NEDD4: variants seen among roughly 807,000 people sequenced by gnomAD.
NEDD4 encodes NEDD4 E3 ubiquitin protein ligase, also known as E3 ubiquitin-protein ligase NEDD4.
Under a neutral mutation model 144.9 loss-of-function variants are expected in NEDD4, and 99 were observed. That is an observed-to-expected ratio of 0.68 (90% CI 0.58 to 0.81). The LOEUF (loss-of-function observed/expected upper bound fraction) is 0.81, where lower values mean the gene tolerates loss of function less well. NEDD4 is among the 30% of genes least tolerant of loss of function. NEDD4 has a pLI of 0.00. For synonymous variants in NEDD4, 318 were observed against 350.6 expected (o/e 0.91, Z 1.04); for missense variants, 985 against 1,065.9 (o/e 0.92, Z 1.06).
intron 5 of NEDD4, among the ~76,000 whole-genome samples, chr15:55,886,893 A>G (rs1311425896): frequency 1.3e-5 from 2 of 152,186 alleles, no homozygotes; most frequent in African/African-American, 4.8e-5. Flanking sequence ...TCCTGAATGA[A>G]TGAACAGTGG....
chr15:55,992,522 A>G (rs1223160576), intron 1 of NEDD4, among the ~76,000 whole-genome samples: 2 of 152,364 alleles, frequency 1.3e-5, no homozygotes, highest in East Asian at 3.9e-4. Context: ...TCTCATCTTG[A>G]TAAAAGGTAC....
intron 18 of NEDD4, 103 bp downstream of exon 18, chr15:55,846,866 G>T: frequency 1.5e-6 from 1 of 682,138 alleles, no homozygotes; most frequent in Non-Finnish European, 2.4e-6. Flanking sequence ...TTCACTCAAA[G>T]TTGTTACAAA....
chr15:55,951,487 C>G (rs2037237705), intron 3 of NEDD4, 24 bp downstream of exon 3: 4 of 1,481,302 alleles, frequency 2.7e-6, no homozygotes, highest in Non-Finnish European at 2.7e-6. Flanking sequence ...ACATTAAAAA[C>G]TTTTGAATAT....
intron 5 of NEDD4, among the ~76,000 whole-genome samples, chr15:55,874,293 G>A (rs1333798562): frequency 1.3e-5 from 2 of 152,044 alleles, no homozygotes; most frequent in African/African-American, 4.8e-5. Context: ...AGAAACTGGA[G>A]GGATGTCAAT....
chr15:55,916,977 A>G (rs1040566702), intron 5 of NEDD4: 126 of 1,387,106 alleles, frequency 9.1e-5, no homozygotes, highest in Non-Finnish European at 1.1e-4. Flanking sequence ...CTTTATCCTA[A>G]GTAAAACATT....
chr15:55,928,221 A>G (rs1415036102), intron 4 of NEDD4, among the ~76,000 whole-genome samples: 7 of 152,136 alleles, frequency 4.6e-5, no homozygotes, highest in Admixed American at 3.9e-4. Flanking sequence ...CGTGTTGGCC[A>G]GGCTGGTCTC....
chr15:55,852,893 G>A (rs2034050101), intron 12 of NEDD4, among the ~76,000 whole-genome samples: 1 of 151,754 alleles, frequency 6.6e-6, no homozygotes, highest in Non-Finnish European at 1.5e-5. Context: ...GGGATTACAG[G>A]CATGTGCTAA....
chr15:55,921,343 G>A (rs752535318), intron 5 of NEDD4, among the ~76,000 whole-genome samples: 8 of 149,348 alleles, frequency 5.4e-5, no homozygotes, highest in Non-Finnish European at 1.0e-4. Context: ...TTTTTTCGCC[G>A]AGACGGAGTC....
At chr15:55,869,491 C>T in intron 8 of NEDD4, 88 bp downstream of exon 8, 1 of 736,018 alleles carries the variant, frequency 1.4e-6, no homozygotes, top group Non-Finnish European at 2.2e-6. Flanking sequence ...CACATGTTAA[C>T]TTCATTCAAT....
chr15:55,955,527 T>A (rs2037321347), intron 2 of NEDD4, among the ~76,000 whole-genome samples: 4 of 152,080 alleles, frequency 2.6e-5, no homozygotes, highest in Admixed American at 2.0e-4. Context: ...ATTCTATGAA[T>A]TTGACTATTT....
intron 5 of NEDD4, among the ~76,000 whole-genome samples, chr15:55,907,292 AAGAC>A (rs1473031992): frequency 2.0e-5 from 3 of 152,084 alleles, no homozygotes; most frequent in African/African-American, 7.2e-5. Context: ...CATGGAGAAA[AAGAC>A]AGAAAATCTT....
intron 5 of NEDD4, among the ~76,000 whole-genome samples, chr15:55,884,934 A>G (rs1035570805): frequency 1.3e-5 from 2 of 152,222 alleles, no homozygotes; most frequent in Non-Finnish European, 2.9e-5. Context: ...AAAGAGATCA[A>G]TATTCAAGTA....
intron 1 of NEDD4, among the ~76,000 whole-genome samples, chr15:55,980,134 G>A (rs1272211850): frequency 2.0e-5 from 3 of 152,026 alleles, no homozygotes; most frequent in African/African-American, 4.8e-5. Flanking sequence ...GCTTTGCCAC[G>A]TTGGCCAGGC....
At chr15:55,837,710 G>T in intron 24 of NEDD4, 79 bp downstream of exon 24, 1 of 920,752 alleles carries the variant, frequency 1.1e-6, no homozygotes, top group Non-Finnish European at 1.7e-6. Flanking sequence ...ATTTTTCTCA[G>T]ATGTGATGAG....
chr15:55,945,240 C>A (rs1278142858), intron 4 of NEDD4, among the ~76,000 whole-genome samples: 1 of 152,106 alleles, frequency 6.6e-6, no homozygotes. Context: ...TGTTCTAACC[C>A]ATTGCAAGGA....
intron 1 of NEDD4, among the ~76,000 whole-genome samples, chr15:55,979,574 C>G (rs571479386): frequency 6.6e-6 from 1 of 151,064 alleles, no homozygotes; most frequent in African/African-American, 2.4e-5. Flanking sequence ...AGGATGGTCT[C>G]GATCTCCTGA....
At chr15:55,959,360 C>T (rs1382990338) in intron 2 of NEDD4, among the ~76,000 whole-genome samples, 1 of 152,126 alleles carries the variant, frequency 6.6e-6, no homozygotes, top group African/African-American at 2.4e-5. Flanking sequence ...TCTCAAAGAA[C>T]ATCCTCTATA....
rs573576306 is a variant in NEDD4 at position 55,993,495 on chromosome 15, C to T, written c.45+16G>A. 284 of 1,595,190 alleles carry T rather than the reference C, an allele frequency of 1.8e-4. 3 individuals are homozygous for T. In the South Asian group the frequency reaches 2.9e-3, roughly 17 times the overall value. On this transcript the variant is annotated intron_variant, in intron 1 of 28. Coordinates refer to ENST00000435532, the MANE Select transcript of NEDD4 (RefSeq NM_006154.4). ...CCCGAAGGGAAGCCCGCCCCGCAGCCCCGCGGTCCCCGCACCTCGTCCTCC... is the reference window on the plus strand; with the variant it reads ...CCCGAAGGGAAGCCCGCCCCGCAGCTCCGCGGTCCCCGCACCTCGTCCTCC...
intron 1 of NEDD4, 148 bp from the exon 2 acceptor site, chr15:55,966,694 C>A: frequency 2.3e-6 from 1 of 442,588 alleles, no homozygotes. Flanking sequence ...TTAAAAGTTA[C>A]ACGGGAAAAA....
Sources: gnomAD v4.1 joint callset for allele counts (sites outside exome capture counted in the v4.1 genomes callset) on GRCh38, gnomAD v4.1.1 for gene constraint, MANE v1.5 for transcripts, NCBI Gene and HGNC (gene_info 2026-07-23, HGNC 2026-07-21) for gene names.